Variants in LRMDA observed in about 807,000 individuals in gnomAD.
LRMDA encodes the protein leucine-rich melanocyte differentiation-associated protein.
In LRMDA, 18 loss-of-function variants were observed where a neutral mutation model predicts 29.8. The observed-to-expected ratio is 0.60, with a 90% CI of 0.42 to 0.90. The LOEUF is 0.90. Among genes scored for constraint, LRMDA ranks in the 40% least tolerant of loss-of-function variants. The probability of loss-of-function intolerance (pLI) is 0.00; values close to 1 mark genes in which losing one functional copy is unlikely to be tolerated. For missense variants in LRMDA, 273 were observed against 273.9 expected, an observed-to-expected ratio of 1.00 and a Z score of 0.02; for synonymous variants, 125 against 109.4, an observed-to-expected ratio of 1.14 and a Z score of -0.89.
intron 5 of LRMDA, among the ~76,000 whole-genome samples, chr10:76,130,617 T>C (rs1849972988): frequency 2.0e-5 from 3 of 152,230 alleles, no homozygotes; most frequent in Admixed American, 1.3e-4. Context: ...ACTATTGTGA[T>C]AATCTATCCT....
intron 2 of LRMDA, among the ~76,000 whole-genome samples, chr10:75,867,022 A>G (rs113525755): frequency 1.3e-5 from 2 of 152,210 alleles, no homozygotes; most frequent in Admixed American, 6.5e-5. Flanking sequence ...TATGCTGTAC[A>G]TCTGTGAGAA....
chr10:75,439,996 G>C (rs2132023165), intron 2 of LRMDA, among the ~76,000 whole-genome samples: 1 of 151,922 alleles, frequency 6.6e-6, no homozygotes, highest in Middle Eastern at 3.4e-3. Flanking sequence ...GTGGGAGCCG[G>C]ATGTGGATTT....
chr10:76,441,948 C>T (rs1168745215), intron 6 of LRMDA, among the ~76,000 whole-genome samples: 1 of 152,186 alleles, frequency 6.6e-6, no homozygotes, highest in African/African-American at 2.4e-5. Flanking sequence ...CTCCCATCTG[C>T]CACCTCGTCT....
At chr10:76,063,934 A>G (rs1848743564) in intron 5 of LRMDA, among the ~76,000 whole-genome samples, 1 of 152,174 alleles carries the variant, frequency 6.6e-6, no homozygotes, top group Non-Finnish European at 1.5e-5. Flanking sequence ...CTGGGGTGCC[A>G]GCTCCATGAG....
At chr10:75,776,852 G>A (rs1391362185) in intron 2 of LRMDA, among the ~76,000 whole-genome samples, 2 of 152,196 alleles carry the variant, frequency 1.3e-5, no homozygotes, top group Non-Finnish European at 2.9e-5. Context: ...TTTAATTATG[G>A]CCGTGCTGTC....
At chr10:75,969,969 C>T (rs778631880) in intron 2 of LRMDA, among the ~76,000 whole-genome samples, 6 of 152,136 alleles carry the variant, frequency 3.9e-5, no homozygotes, top group Non-Finnish European at 5.9e-5. Flanking sequence ...CTGAGATAGA[C>T]CTCAAAGATT....
At chr10:75,434,343 G>T (rs1349979207) in intron 1 of LRMDA, among the ~76,000 whole-genome samples, 2 of 152,188 alleles carry the variant, frequency 1.3e-5, no homozygotes, top group Non-Finnish European at 2.9e-5. Flanking sequence ...ACGATAATAT[G>T]CATGGGGCTG....
chr10:76,233,614 G>A (rs935410363), intron 5 of LRMDA, among the ~76,000 whole-genome samples: 1 of 152,166 alleles, frequency 6.6e-6, no homozygotes, highest in Non-Finnish European at 1.5e-5. Flanking sequence ...CCCTGCCTAT[G>A]CTTTATCATC....
rs190908073 is a variant in LRMDA, at chr10:76,136,304, T to A, written c.516+77521T>A. Among the ~76,000 whole-genome samples the A allele has an allele frequency of 4.6e-5, 7 of 152,266 alleles. No homozygotes were observed. The East Asian group carries it at 1.3e-3, about 29-fold the overall frequency. The stretch of plus-strand genomic sequence containing the variant: ...GAATCTTCTTTTTGTGAATGGCACT[T>A]TAGAGAGAAGAATTCCCTAGATAAT... On this transcript the variant is annotated intron_variant, in intron 5 of 6. Coordinates refer to ENST00000611255, the MANE Select transcript of LRMDA (RefSeq NM_001305581.2).
intron 6 of LRMDA, among the ~76,000 whole-genome samples, chr10:76,359,009 C>T (rs1301962419): frequency 6.6e-6 from 1 of 152,162 alleles, no homozygotes; most frequent in Non-Finnish European, 1.5e-5. Flanking sequence ...GACAGCATTC[C>T]TCTAGTCTTC....
At chr10:75,861,294 T>C (rs1161058153) in intron 2 of LRMDA, among the ~76,000 whole-genome samples, 1 of 152,248 alleles carries the variant, frequency 6.6e-6, no homozygotes, top group Non-Finnish European at 1.5e-5. Context: ...GGAGAATTGT[T>C]GGAGCGTGAT....
At chr10:76,018,567 GT>G (rs765340066) in intron 2 of LRMDA, among the ~76,000 whole-genome samples, 239 of 131,938 alleles carry the variant, frequency 1.8e-3, no homozygotes, top group Admixed American at 2.3e-3. Flanking sequence ...GGCTTCTGAA[GT>G]TTTTTTTTTT....
intron 2 of LRMDA, among the ~76,000 whole-genome samples, chr10:75,638,828 C>A (rs1009902374): frequency 6.6e-6 from 1 of 152,022 alleles, no homozygotes; most frequent in Admixed American, 6.6e-5. Flanking sequence ...TGTGTTTTTT[C>A]CCCCCTAAAT....
rs1428586072 is a variant in LRMDA, at chr10:76,259,254, G to A, written c.517-65147G>A. On this transcript the variant is annotated intron_variant, in intron 5 of 6. Coordinates refer to ENST00000611255, the MANE Select transcript of LRMDA (RefSeq NM_001305581.2). Reference sequence around the variant, plus strand: ...TTGAAAATATATTTCTTGGCCATTCGTATGTCTTCTTTTGAGCAATGTCTG... The same window carrying A: ...TTGAAAATATATTTCTTGGCCATTCATATGTCTTCTTTTGAGCAATGTCTG... 3.9e-5 allele frequency among the ~76,000 whole-genome samples: 6 copies of A among 151,976 alleles called. No individual in the cohort carries two copies. The East Asian group carries it at 7.7e-4, about 20-fold the overall frequency.
At chr10:76,126,772 T>A (rs1458736338) in intron 5 of LRMDA, among the ~76,000 whole-genome samples, 1 of 152,208 alleles carries the variant, frequency 6.6e-6, no homozygotes, top group Non-Finnish European at 1.5e-5. Context: ...TGGGCAGAAT[T>A]GTGGAGTTGC....
intron 2 of LRMDA, among the ~76,000 whole-genome samples, chr10:75,449,746 T>C (rs1844438298): frequency 6.6e-6 from 1 of 152,012 alleles, no homozygotes. Flanking sequence ...AGAGAACTTA[T>C]CTTCTTCTTT....
intron 6 of LRMDA, among the ~76,000 whole-genome samples, chr10:76,477,295 T>C (rs1168406794): frequency 2.6e-5 from 4 of 151,986 alleles, no homozygotes; most frequent in Non-Finnish European, 4.4e-5. Context: ...TGAACTCCCA[T>C]TCACAATTGC....
intron 2 of LRMDA, among the ~76,000 whole-genome samples, chr10:75,494,420 C>A (rs1256395365): frequency 1.3e-5 from 2 of 151,946 alleles, no homozygotes; most frequent in African/African-American, 4.8e-5. Flanking sequence ...TATGTATTCA[C>A]CCATCCACTT....
At chr10:75,971,336 C>A (rs1364848168) in intron 2 of LRMDA, among the ~76,000 whole-genome samples, 1 of 152,162 alleles carries the variant, frequency 6.6e-6, no homozygotes, top group East Asian at 1.9e-4. Flanking sequence ...GATTATGGGG[C>A]CTTCTCTTAG....
Sources: allele counts gnomAD v4.1 joint callset (sites outside exome capture counted in the v4.1 genomes callset), GRCh38; gene constraint gnomAD v4.1.1; transcripts MANE v1.5; gene names NCBI Gene and HGNC (gene_info 2026-07-23, HGNC 2026-07-21).